Variants in ITFG1 observed in about 807,000 individuals in gnomAD.
The protein encoded by ITFG1 is T-cell immunomodulatory protein.
In ITFG1, 34 loss-of-function variants were observed where a neutral mutation model predicts 81.8. The ratio of observed to expected loss-of-function variants is 0.42; its 90% CI spans 0.32 to 0.55. The LOEUF (loss-of-function observed/expected upper bound fraction) is 0.55. ITFG1 is among the 20% of genes least tolerant of loss of function. The pLI is 0.17. For missense variants in ITFG1, 672 were observed against 755.4 expected (o/e 0.89, Z 1.29); for synonymous variants, 285 against 270.6 (o/e 1.05, Z -0.52).
chr16:47,276,717 C>CCA (rs1425988011), intron 10 of ITFG1, among the ~76,000 whole-genome samples: 2 of 151,992 alleles, frequency 1.3e-5, no homozygotes, highest in African/African-American at 4.8e-5. Context: ...AGAAATAGGA[C>CCA]CACACACACA....
chr16:47,235,635 G>A (rs1965864519), intron 13 of ITFG1, among the ~76,000 whole-genome samples: 4 of 152,064 alleles, frequency 2.6e-5, no homozygotes, highest in Admixed American at 2.6e-4. Flanking sequence ...TATCAGGTGT[G>A]ACAGAACACA....
At chr16:47,425,946 CCTTT>C (rs1969015801) in intron 6 of ITFG1, 1 of 151,976 alleles carries the variant, frequency 6.6e-6, no homozygotes. Context: ...TATCCTTTGT[CCTTT>C]CTTTATCTCT....
intron 8 of ITFG1, among the ~76,000 whole-genome samples, chr16:47,324,047 T>TA (rs1309276771): frequency 1.6e-4 from 24 of 152,280 alleles, no homozygotes; most frequent in African/African-American, 5.8e-4. Flanking sequence ...TATGCACAGA[T>TA]AGAGTATAAT....
chr16:47,238,555 C>T (rs1252451019), intron 12 of ITFG1, among the ~76,000 whole-genome samples: 1 of 151,882 alleles, frequency 6.6e-6, no homozygotes, highest in Non-Finnish European at 1.5e-5. Flanking sequence ...GTATAACCAG[C>T]AAAAAGAGGT....
At chr16:47,254,723 AT>A (rs1347494823) in intron 12 of ITFG1, among the ~76,000 whole-genome samples, 1 of 152,176 alleles carries the variant, frequency 6.6e-6, no homozygotes, top group African/African-American at 2.4e-5. Flanking sequence ...TGCACTTGAA[AT>A]TTTCCTTAGT....
Sources: gnomAD v4.1 joint callset for allele counts (sites outside exome capture counted in the v4.1 genomes callset) on GRCh38, gnomAD v4.1.1 for gene constraint, MANE v1.5 for transcripts, NCBI Gene and HGNC (gene_info 2026-07-23, HGNC 2026-07-21) for gene names.